ANKHD1: variants seen among roughly 807,000 people sequenced by gnomAD.
The protein encoded by ANKHD1 is ankyrin repeat and KH domain containing 1, also known as ankyrin repeat and KH domain-containing protein 1.
In ANKHD1, 31 loss-of-function variants were observed where a neutral mutation model predicts 230.5. That is an observed-to-expected ratio of 0.13 (90% CI 0.10 to 0.18). The LOEUF is 0.18. Among genes scored for constraint, ANKHD1 ranks in the 10% least tolerant of loss-of-function variants. The probability of loss-of-function intolerance (pLI) is 1.00; values close to 1 mark genes in which losing one functional copy is unlikely to be tolerated. For missense variants in ANKHD1, 2,256 were observed against 3,071.3 expected, an observed-to-expected ratio of 0.73 and a Z score of 6.27; for synonymous variants, 1,074 against 1,117.6, an observed-to-expected ratio of 0.96 and a Z score of 0.78.
intron 24 of ANKHD1, among the ~76,000 whole-genome samples, chr5:140,523,538 T>A (rs949875747): frequency 6.6e-6 from 1 of 152,044 alleles, no homozygotes; most frequent in South Asian, 2.1e-4. Flanking sequence ...CAAAAATATT[T>A]TTCCCATTTT....
chr5:140,482,598 G>C lies in ANKHD1; in HGVS notation c.1801G>C (p.Gly601Arg). The change falls in exon 11 of 34, where the codon GGA becomes CGA. Residue 601 changes from glycine to arginine, a missense_variant. By Grantham distance (125) the Gly-to-Arg change is moderately radical. Coordinates refer to ENST00000360839, the MANE Select transcript of ANKHD1 (RefSeq NM_017747.3). The part of the protein sequence containing the change: ...GADLEHESEG[G>R]RTPLMKAARA... ...TTAACAGGAACATGAATCTGAAGGT[G>C]GAAGAACACCTTTGATGAAAGCTGC... The C allele has an allele frequency of 6.2e-7, 1 of 1,612,614 alleles. No individual in the cohort carries two copies. The highest frequency in any genetic ancestry group is 8.5e-7 in the Non-Finnish European group (1 of 1,179,392).
intron 15 of ANKHD1, among the ~76,000 whole-genome samples, chr5:140,501,584 C>T (rs1752306092): frequency 6.6e-6 from 1 of 151,684 alleles, no homozygotes. Context: ...CTCATCTCTA[C>T]TAAAAATACA....
intron 10 of ANKHD1, among the ~76,000 whole-genome samples, chr5:140,479,732 GTA>G (rs34099095): frequency 0.66 from 97,856 of 147,538 alleles, 32,861 homozygotes; most frequent in East Asian, 0.83. Flanking sequence ...ACATACATAG[GTA>G]TATATATATA....
Position 140,534,164 on chromosome 5 carries a change from G to A in ANKHD1, c.6851-1198G>A, listed in dbSNP as rs112413392. 3.8e-3 allele frequency among the ~76,000 whole-genome samples: 584 copies of A among 152,204 alleles called. 6 individuals carry two copies. The highest frequency in any genetic ancestry group is 0.014 in the African/African-American group (565 of 41,520). Reference sequence around the variant, plus strand: ...CCCCAGCACTTTGGGAGGCCGAGGCGGGTGGATCATGAGGTCAGGAGATCG... The same window carrying A: ...CCCCAGCACTTTGGGAGGCCGAGGCAGGTGGATCATGAGGTCAGGAGATCG... On this transcript the variant is annotated intron_variant, in intron 29 of 33. Transcript: ENST00000360839.
At chr5:140,449,656 G>A (rs1021454765) in intron 7 of ANKHD1, among the ~76,000 whole-genome samples, 6 of 149,496 alleles carry the variant, frequency 4.0e-5, no homozygotes, top group Non-Finnish European at 8.9e-5. Context: ...AGCGAGACTC[G>A]GTCTCAAAAA....
At chr5:140,474,790 G>A (rs1442059626) in intron 10 of ANKHD1, among the ~76,000 whole-genome samples, 3 of 151,536 alleles carry the variant, frequency 2.0e-5, no homozygotes, top group African/African-American at 7.3e-5. Context: ...CAGAGACAAA[G>A]TCTTGCTATC....
intron 10 of ANKHD1, chr5:140,472,435 A>G: frequency 2.9e-6 from 4 of 1,376,978 alleles, no homozygotes; most frequent in Non-Finnish European, 3.8e-6. Flanking sequence ...TCAATTGAAA[A>G]AGATTATGAA....
intron 24 of ANKHD1, among the ~76,000 whole-genome samples, chr5:140,521,996 G>A (rs1008743595): frequency 6.6e-5 from 10 of 152,046 alleles, no homozygotes; most frequent in Admixed American, 6.6e-5. Context: ...AATAAATAAA[G>A]TTACGTAATT....
intron 5 of ANKHD1, 100 bp downstream of exon 5, chr5:140,441,242 A>G (rs1773824839): frequency 1.5e-6 from 2 of 1,365,746 alleles, no homozygotes; most frequent in Non-Finnish European, 1.9e-6. Context: ...GTATAAACCT[A>G]CAGAAAAATC....
chr5:140,512,919 A>G lies in ANKHD1; in HGVS notation c.4196A>G (p.Asp1399Gly), dbSNP rs1385605497. 1 of 1,592,240 alleles carries G rather than the reference A, an allele frequency of 6.3e-7. No individual in the cohort carries two copies. Among genetic ancestry groups the G allele is most frequent in the African/African-American group, 1.4e-5 (1 of 73,678 alleles). ...ECMRYIATIT[D>G]KELLKKCHQC... is the part of the protein sequence containing the mutation. ...ATGAGATACATAGCAACAATTACAG[A>G]TAAGGTAAGTTTAATATGCTACTGA... Residue 1399 changes from aspartate to glycine, a missense_variant, in exon 23 of 34, where the codon GAT (aspartate) becomes GGT (glycine). Asp to Gly is a moderately conservative substitution (Grantham distance 94). Around this residue, in one of 13 missense-constraint regions of ANKHD1, gnomAD observed 195 missense variants for 340.3 expected, o/e 0.57. Transcript: ENST00000360839.
At chr5:140,532,804 A>T in intron 29 of ANKHD1, 1 of 433,732 alleles carries the variant, frequency 2.3e-6, no homozygotes, top group South Asian at 1.6e-5. Flanking sequence ...GCACATCATG[A>T]TCTTTAAAAG....
chr5:140,466,039 C>G (rs186369710), intron 10 of ANKHD1, among the ~76,000 whole-genome samples: 161 of 152,326 alleles, frequency 1.1e-3, no homozygotes, highest in African/African-American at 3.7e-3. Flanking sequence ...CCTGGATTCT[C>G]TCTTCATTGT....
intron 14 of ANKHD1, among the ~76,000 whole-genome samples, chr5:140,489,112 C>A (rs1454647418): frequency 6.6e-6 from 1 of 151,726 alleles, no homozygotes; most frequent in Non-Finnish European, 1.5e-5. Context: ...ATCACTTCAG[C>A]CTGGGAGACC....
In ANKHD1 at chr5:140,528,978, C is replaced by T; in HGVS notation, c.6032C>T (p.Ala2011Val). Residue 2011 changes from alanine to valine, a missense_variant, in exon 29 of 34, where the codon GCA (alanine) becomes GTA (valine). Physicochemically the swap from Ala to Val is moderately conservative, Grantham distance 64. This residue lies in a region of ANKHD1 where 778 missense variants were observed against 966.5 expected (regional missense o/e 0.80). Coordinates refer to ENST00000360839, the MANE Select transcript of ANKHD1 (RefSeq NM_017747.3). ...TTFLPASTSQ[A>V]QLSSQKMESF... ...TTTCTACCTGCAAGTACTTCTCAAGCACAGCTTTCTTCACAAAAGATGGAG... is the reference window on the plus strand; with the variant it reads ...TTTCTACCTGCAAGTACTTCTCAAGTACAGCTTTCTTCACAAAAGATGGAG... 3 of 1,614,218 alleles carry T rather than the reference C, an allele frequency of 1.9e-6. No individual in the cohort carries two copies. In the South Asian group the frequency reaches 3.3e-5, roughly 18 times the overall value.
intron 7 of ANKHD1, among the ~76,000 whole-genome samples, chr5:140,453,380 T>C (rs1225019093): frequency 6.6e-6 from 1 of 152,090 alleles, no homozygotes; most frequent in Non-Finnish European, 1.5e-5. Flanking sequence ...AAGATACTCC[T>C]TGAGAAGAGC....
At chr5:140,410,200 A>T (rs1770817028) in intron 1 of ANKHD1, among the ~76,000 whole-genome samples, 2 of 152,190 alleles carry the variant, frequency 1.3e-5, no homozygotes, top group African/African-American at 4.8e-5. Flanking sequence ...TTTCTTTATG[A>T]AAATACAACT....
At position 140,506,570 on chromosome 5, in the gene ANKHD1, G is replaced by A. The variant is rs978747852; in HGVS notation, c.3409-265G>A. Among the ~76,000 whole-genome samples the A allele has an allele frequency of 5.9e-5, 9 of 152,178 alleles. No individual in the cohort carries two copies. The highest frequency in any genetic ancestry group is 1.0e-4 in the Non-Finnish European group (7 of 68,028). On this transcript the variant is annotated intron_variant, in intron 18 of 33. Transcript: ENST00000360839. This position sits in a 1 kb window ranked among gnomAD's most constrained non-coding sequence, Gnocchi z 4.7. ...GAATCACAATTCTAACACATATGAA[G>A]TGCAAATTTATTGCCCAATAAATGG... is the stretch of plus-strand genomic sequence containing the variant.
chr5:140,518,556 C>T (rs1195796151), intron 24 of ANKHD1, among the ~76,000 whole-genome samples: 22 of 151,370 alleles, frequency 1.5e-4, no homozygotes, highest in East Asian at 1.2e-3. Flanking sequence ...ACTGGCAAAC[C>T]GAATCCAGCA....
intron 3 of ANKHD1, 60 bp downstream of exon 3, chr5:140,438,677 G>A: frequency 6.8e-7 from 1 of 1,464,062 alleles, no homozygotes; most frequent in Non-Finnish European, 9.1e-7. Context: ...TGGGGAAGTA[G>A]CCAATTTTGG....
Sources: allele counts gnomAD v4.1 joint callset (sites outside exome capture counted in the v4.1 genomes callset), GRCh38; gene constraint gnomAD v4.1.1; regional missense constraint gnomAD v4.1.1; non-coding constraint Gnocchi (gnomAD v3.1); transcripts MANE v1.5; gene names NCBI Gene and HGNC (gene_info 2026-07-23, HGNC 2026-07-21).